DNER: variants seen among roughly 807,000 people sequenced by gnomAD.
DNER encodes delta/notch like EGF repeat containing, also known as delta and Notch-like epidermal growth factor-related receptor.
Under a neutral mutation model 78.2 loss-of-function variants are expected in DNER, and 33 were observed. The ratio of observed to expected loss-of-function variants is 0.42; its 90% CI spans 0.32 to 0.56. The LOEUF is 0.56. Ranked by LOEUF, DNER falls within the 20% of genes least tolerant of loss-of-function variation. The probability of loss-of-function intolerance (pLI) is 0.11; values close to 1 mark genes in which losing one functional copy is unlikely to be tolerated. For missense variants in DNER, 918 were observed against 975.3 expected, an observed-to-expected ratio of 0.94 and a Z score of 0.78; for synonymous variants, 417 against 384.8, an observed-to-expected ratio of 1.08 and a Z score of -0.98.
chr2:229,597,353 T>C (rs557405204), intron 1 of DNER, among the ~76,000 whole-genome samples: 1 of 152,358 alleles, frequency 6.6e-6, no homozygotes, highest in South Asian at 2.1e-4. Context: ...TCATTAACTT[T>C]TAAGCAAATC....
rs189207237 is a variant in DNER, at chr2:229,531,248, C to T, written c.993+15699G>A. Among the ~76,000 whole-genome samples the T allele has an allele frequency of 9.2e-5, 14 of 152,308 alleles. No individual in the cohort carries two copies. In the East Asian group the frequency reaches 2.7e-3, roughly 29 times the overall value. The stretch of plus-strand genomic sequence containing the variant: ...CAACCCAGTATTTCCAGGAGTGCTG[C>T]TCTCAATCAACTCAACGAAGTGACG... On this transcript the variant is annotated intron_variant, in intron 5 of 12. Transcript: ENST00000341772.
intron 8 of DNER, among the ~76,000 whole-genome samples, chr2:229,427,906 C>A (rs1378012355): frequency 6.6e-6 from 1 of 151,976 alleles, no homozygotes. Context: ...GAAATCTCGT[C>A]TCTACTAAAA....
chr2:229,469,029 T>C (rs941710454), intron 7 of DNER, among the ~76,000 whole-genome samples: 25 of 152,212 alleles, frequency 1.6e-4, no homozygotes, highest in African/African-American at 5.8e-4. Context: ...TCAGTGAACA[T>C]TGGTTAATGC....
At chr2:229,569,196 C>T (rs577889659) in intron 4 of DNER, among the ~76,000 whole-genome samples, 2 of 152,250 alleles carry the variant, frequency 1.3e-5, no homozygotes, top group African/African-American at 4.8e-5. Flanking sequence ...GTTCCAGGAA[C>T]CCCCACAGAT....
intron 5 of DNER, among the ~76,000 whole-genome samples, chr2:229,520,924 A>G (rs979094215): frequency 1.3e-5 from 2 of 152,138 alleles, no homozygotes; most frequent in Non-Finnish European, 2.9e-5. Flanking sequence ...CCTCCAAACA[A>G]CCCTGTCAGC....
intron 1 of DNER, among the ~76,000 whole-genome samples, chr2:229,604,271 G>T (rs1038042783): frequency 7.9e-5 from 12 of 152,138 alleles, no homozygotes; most frequent in Admixed American, 2.0e-4. Context: ...TATTTTTAAA[G>T]AATAAATAAA....
At chr2:229,641,341 G>C (rs1237743478) in intron 1 of DNER, among the ~76,000 whole-genome samples, 1 of 152,176 alleles carries the variant, frequency 6.6e-6, no homozygotes, top group South Asian at 2.1e-4. Context: ...GGACTTAGAG[G>C]TGGAGAAGAA....
intron 1 of DNER, among the ~76,000 whole-genome samples, chr2:229,688,274 T>C (rs1170898554): frequency 6.6e-6 from 1 of 152,206 alleles, no homozygotes; most frequent in Non-Finnish European, 1.5e-5. Flanking sequence ...CAATCCTGCC[T>C]ATCCCAGACT....
At chr2:229,466,576 G>A (rs544853344) in intron 7 of DNER, among the ~76,000 whole-genome samples, 3 of 152,178 alleles carry the variant, frequency 2.0e-5, no homozygotes, top group South Asian at 2.1e-4. Context: ...GCTGTCTCTC[G>A]GGGCCACTAT....
chr2:229,585,241 C>T (rs1697475681), intron 4 of DNER, among the ~76,000 whole-genome samples: 1 of 152,134 alleles, frequency 6.6e-6, no homozygotes, highest in Non-Finnish European at 1.5e-5. Context: ...TGAAAGATTC[C>T]AAAGGAAAAC....
chr2:229,479,486 G>T (rs1695107609), intron 6 of DNER, among the ~76,000 whole-genome samples: 2 of 152,126 alleles, frequency 1.3e-5, no homozygotes, highest in African/African-American at 4.8e-5. Flanking sequence ...GTTGAAGCAG[G>T]CAGATTACTT....
At chr2:229,362,576 A>G (rs951541014) in intron 12 of DNER, among the ~76,000 whole-genome samples, 24 of 152,214 alleles carry the variant, frequency 1.6e-4, no homozygotes, top group Non-Finnish European at 3.1e-4. Context: ...TGTAAATTGT[A>G]TTATCTCACT....
intron 5 of DNER, among the ~76,000 whole-genome samples, chr2:229,522,298 C>T (rs1256768504): frequency 6.6e-6 from 1 of 152,214 alleles, no homozygotes; most frequent in Non-Finnish European, 1.5e-5. Context: ...TGTTCAAAAG[C>T]AGCTTCCAGC....
chr2:229,555,665 G>A (rs958955145), intron 4 of DNER, among the ~76,000 whole-genome samples: 4 of 152,152 alleles, frequency 2.6e-5, no homozygotes, highest in Non-Finnish European at 2.9e-5. Flanking sequence ...TCAAGATACA[G>A]GTACATTAAT....
intron 1 of DNER, among the ~76,000 whole-genome samples, chr2:229,609,459 G>C (rs1698004122): frequency 1.3e-5 from 2 of 152,230 alleles, no homozygotes; most frequent in Non-Finnish European, 1.5e-5. Flanking sequence ...TCAAGTTTCA[G>C]TGCCCATCAA....
intron 5 of DNER, among the ~76,000 whole-genome samples, chr2:229,538,872 C>G (rs1426273759): frequency 6.6e-6 from 1 of 152,150 alleles, no homozygotes; most frequent in Non-Finnish European, 1.5e-5. Context: ...AAATTAGCCT[C>G]TTTTATCTGT....
chr2:229,363,106 GT>G (rs1456475028), intron 12 of DNER, among the ~76,000 whole-genome samples: 9 of 152,218 alleles, frequency 5.9e-5, no homozygotes, highest in Admixed American at 1.3e-4. Context: ...CTGCTGGTCA[GT>G]TACAAGCTCT....
At chr2:229,705,266 A>C (rs989125742) in intron 1 of DNER, among the ~76,000 whole-genome samples, 1 of 152,218 alleles carries the variant, frequency 6.6e-6, no homozygotes, top group East Asian at 1.9e-4. Context: ...CTTTATATTA[A>C]CTACAAGGAC....
intron 5 of DNER, among the ~76,000 whole-genome samples, chr2:229,514,414 C>T (rs763436245): frequency 2.6e-5 from 4 of 152,146 alleles, no homozygotes; most frequent in Non-Finnish European, 4.4e-5. Flanking sequence ...TAATTTTGGC[C>T]TCAGAGGGAT....
Sources: allele counts gnomAD v4.1 joint callset (sites outside exome capture counted in the v4.1 genomes callset), GRCh38; gene constraint gnomAD v4.1.1; transcripts MANE v1.5; gene names NCBI Gene and HGNC (gene_info 2026-07-23, HGNC 2026-07-21).